CAMKV: variants seen among roughly 807,000 people sequenced by gnomAD.
The protein encoded by CAMKV is caM kinase-like vesicle-associated protein.
In CAMKV, 5 loss-of-function variants were observed where a neutral mutation model predicts 50.2. The observed-to-expected ratio is 0.10, with a 90% confidence interval of 0.05 to 0.21. The LOEUF is 0.21. Among genes scored for constraint, CAMKV ranks in the 10% least tolerant of loss-of-function variants. The pLI, the probability that CAMKV is intolerant of heterozygous loss-of-function variation, is 1.00. For synonymous variants in CAMKV, 229 were observed against 250.1 expected (o/e 0.92, Z 0.80); for missense variants, 361 against 650.5 (o/e 0.55, Z 4.84).
At chr3:49,868,895 C>T (rs1230445143) in intron 1 of CAMKV, among the ~76,000 whole-genome samples, 1 of 152,166 alleles carries the variant, frequency 6.6e-6, no homozygotes, top group Non-Finnish European at 1.5e-5. Flanking sequence ...GCAGGATCTG[C>T]CTGGGAGGTG....
chr3:49,866,934 G>A (rs1158198216), intron 1 of CAMKV, among the ~76,000 whole-genome samples: 1 of 152,176 alleles, frequency 6.6e-6, no homozygotes, highest in Non-Finnish European at 1.5e-5. Flanking sequence ...TGCTACCTTG[G>A]TCCCCTGCCA....
chr3:49,867,680 C>A (rs1280294014), intron 1 of CAMKV, among the ~76,000 whole-genome samples: 1 of 152,138 alleles, frequency 6.6e-6, no homozygotes, highest in African/African-American at 2.4e-5. Context: ...CTTAGCCTGG[C>A]TGCTTCTTCA....
chr3:49,868,385 C>T (rs535346768), intron 1 of CAMKV, among the ~76,000 whole-genome samples: 5 of 152,268 alleles, frequency 3.3e-5, no homozygotes, highest in South Asian at 2.1e-4. Flanking sequence ...GTGCCAGAAA[C>T]GGCACCACAA....
At chr3:49,865,053 T>C (rs1049230546) in intron 1 of CAMKV, among the ~76,000 whole-genome samples, 1 of 152,224 alleles carries the variant, frequency 6.6e-6, no homozygotes, top group Non-Finnish European at 1.5e-5. Context: ...TCTGGGTTGC[T>C]TGGGCTCAGG....
chr3:49,860,618 C>T lies in CAMKV; in HGVS notation c.776-69G>A, dbSNP rs2082012474. On this transcript the variant is annotated intron_variant, in intron 8 of 10. Coordinates refer to ENST00000477224, the MANE Select transcript of CAMKV (RefSeq NM_024046.5). The surrounding 1 kb of genome is among the most constrained non-coding windows in gnomAD (Gnocchi z 6.1). Reference sequence around the variant, plus strand: ...TCAATGTCTAGAGGTGATAAATGGGCTGGGGGACAGAAGCAGAATACCACA... The same window carrying T: ...TCAATGTCTAGAGGTGATAAATGGGTTGGGGGACAGAAGCAGAATACCACA... The T allele has an allele frequency of 1.2e-6, 2 of 1,611,108 alleles. No homozygotes were observed. The highest frequency in any genetic ancestry group is 2.7e-5 in the African/African-American group (2 of 74,970).
rs1256755930 is a variant in CAMKV, at chr3:49,858,475, T to C, written c.*843A>G. The C allele has an allele frequency of 1.5e-4, 58 of 396,534 alleles. No individual in the cohort carries two copies. In the Admixed American group the frequency reaches 2.5e-3, roughly 17 times the overall value. 24.6% of individuals were successfully genotyped at this position (396,534 alleles called of 1,614,324 possible). On this transcript the variant is annotated 3_prime_UTR_variant, in exon 11 of 11. Coordinates refer to ENST00000477224, the MANE Select transcript of CAMKV (RefSeq NM_024046.5). Reference sequence around the variant, plus strand: ...AGCAAGGAGGTATCAGCCCTCCCTGTTTGGCCCAGGGTAAGGACCCAGTAA... The same window carrying C: ...AGCAAGGAGGTATCAGCCCTCCCTGCTTGGCCCAGGGTAAGGACCCAGTAA...
At position 49,862,520 on chromosome 3, in the gene CAMKV, A is replaced by C. The variant is rs1482615883; in HGVS notation, c.-14-118T>G. On this transcript the variant is annotated intron_variant, in intron 1 of 10. Coordinates refer to ENST00000477224, the MANE Select transcript of CAMKV (RefSeq NM_024046.5). The surrounding 1 kb of genome is among the most constrained non-coding windows in gnomAD (Gnocchi z 5.2). ...CCAAGCTAGGGGCAGAGACCATACC[A>C]GGAGGGGCTAGAGGATAGGCAGGCT... The C allele has an allele frequency of 1.2e-6, 1 of 809,710 alleles. No individual in the cohort carries two copies. Among genetic ancestry groups the C allele is most frequent in the African/African-American group, 1.7e-5 (1 of 59,894 alleles). The allele number at this position is 809,710 out of a possible 1,614,324, so 50.2% of individuals were successfully genotyped here. A position where few individuals can be genotyped will look rare whatever the true frequency, so the allele number is the denominator to read the frequency against.
Position 49,860,563 on chromosome 3 carries a change from C to G in CAMKV, c.776-14G>C. On this transcript the variant is annotated splice_polypyrimidine_tract_variant and intron_variant, in intron 8 of 10. Transcript: ENST00000477224. This position sits in a 1 kb window ranked among gnomAD's most constrained non-coding sequence, Gnocchi z 6.1. ...CCAGGTCTTTGGCTGTGGACAAAACCAAGAAGGGGATAGTCATGGGCACCC... is the reference window on the plus strand; with the variant it reads ...CCAGGTCTTTGGCTGTGGACAAAACGAAGAAGGGGATAGTCATGGGCACCC... The G allele has an allele frequency of 6.2e-7, 1 of 1,612,436 alleles. No individual in the cohort carries two copies. Among genetic ancestry groups the G allele is most frequent in the Non-Finnish European group, 8.5e-7 (1 of 1,179,242 alleles).
intron 1 of CAMKV, among the ~76,000 whole-genome samples, chr3:49,865,814 C>T (rs962262863): frequency 2.0e-5 from 3 of 152,186 alleles, no homozygotes; most frequent in Admixed American, 6.5e-5. Flanking sequence ...CATGCCCCAC[C>T]CCCCACCCCA....
Position 49,861,685 on chromosome 3 carries a change from C to A in CAMKV, c.302+106G>T, listed in dbSNP as rs910040512. The A allele has an allele frequency of 1.9e-6, 3 of 1,594,304 alleles. No homozygotes were observed. The highest frequency in any genetic ancestry group is 2.7e-5 in the African/African-American group (2 of 74,418). ...CAGCTGGCTGAGCAAGGCACAGGGA[C>A]CTGGGACGCCAAGGGTCCAGAAAGG... is the stretch of plus-strand genomic sequence containing the variant. On this transcript the variant is annotated intron_variant, in intron 4 of 10. Coordinates refer to ENST00000477224, the MANE Select transcript of CAMKV (RefSeq NM_024046.5). The surrounding 1 kb of genome is among the most constrained non-coding windows in gnomAD (Gnocchi z 7.7).
chr3:49,861,960 A>G lies in CAMKV; in HGVS notation c.227+85T>C, dbSNP rs2082025493. ...TGGCCACAGCAGACTAATTGGCCAG[A>G]GGCTGGGACTGCCTGAGGCCACTTG... On this transcript the variant is annotated intron_variant, in intron 3 of 10. Transcript: ENST00000477224. This position sits in a 1 kb window ranked among gnomAD's most constrained non-coding sequence, Gnocchi z 7.7. 6.2e-7 allele frequency: 1 copy of G among 1,608,286 alleles called. No homozygotes were observed. Among genetic ancestry groups the G allele is most frequent in the African/African-American group, 1.3e-5 (1 of 74,722 alleles).
chr3:49,860,567 A>G lies in CAMKV; in HGVS notation c.776-18T>C, dbSNP rs2777888. 756,289 of 1,610,700 alleles carry G rather than the reference A, an allele frequency of 0.47. 185,740 individuals are homozygous for G. Among genetic ancestry groups the G allele is most frequent in the African/African-American group, 0.64 (47,551 of 74,838 alleles). On this transcript the variant is annotated intron_variant, in intron 8 of 10. Coordinates refer to ENST00000477224, the MANE Select transcript of CAMKV (RefSeq NM_024046.5). This position sits in a 1 kb window ranked among gnomAD's most constrained non-coding sequence, Gnocchi z 6.1. ...GTCTTTGGCTGTGGACAAAACCAAG[A>G]AGGGGATAGTCATGGGCACCCCATC...
chr3:49,859,464 T>C lies in CAMKV; in HGVS notation c.1360A>G (p.Thr454Ala), dbSNP rs1265199404. 6.2e-7 allele frequency: 1 copy of C among 1,613,840 alleles called. No homozygotes were observed. The highest frequency in any genetic ancestry group is 8.5e-7 in the Non-Finnish European group (1 of 1,179,866). The change falls in exon 11 of 11, where the codon ACC (threonine) becomes GCC (alanine). Residue 454 changes from threonine to alanine, a missense_variant. Coordinates refer to ENST00000477224, the MANE Select transcript of CAMKV (RefSeq NM_024046.5). This position sits in a 1 kb window ranked among gnomAD's most constrained non-coding sequence, Gnocchi z 5.5. Reference sequence around the variant, plus strand: ...GGCTCAGGGGTGGCAGCTGCCTTGGTGGCCAGCATGGCACTGCTTTGGGTG... The same window carrying C: ...GGCTCAGGGGTGGCAGCTGCCTTGGCGGCCAGCATGGCACTGCTTTGGGTG... ...PTTQSSAMLA[T>A]KAAATPEPAM...
At chr3:49,865,560 C>T (rs545856922) in intron 1 of CAMKV, among the ~76,000 whole-genome samples, 3 of 152,318 alleles carry the variant, frequency 2.0e-5, no homozygotes, top group South Asian at 2.1e-4. Flanking sequence ...ACAGGTGACT[C>T]GCCAGCTCAA....
chr3:49,859,684 G>A lies in CAMKV; in HGVS notation c.1140C>T (p.Ala380=), dbSNP rs760588166. 6 of 1,613,708 alleles carry A rather than the reference G, an allele frequency of 3.7e-6. No homozygotes were observed. In the African/African-American group the frequency reaches 6.7e-5, roughly 18 times the overall value. Residue 380 remains alanine (A), a synonymous_variant, in exon 11 of 11, where the codon GCC becomes GCT. Coordinates refer to ENST00000477224, the MANE Select transcript of CAMKV (RefSeq NM_024046.5). This position sits in a 1 kb window ranked among gnomAD's most constrained non-coding sequence, Gnocchi z 5.5. ...CTGGGGTGGCACTACGGTCTGCGGG[G>A]GCCACATTATCACTCTTTGCAGCAC... ...AARAAKSDNV[A]PADRSATPAT...
rs2082009989 is a variant in CAMKV, at chr3:49,860,289, A to G, written c.855-31T>C. 6 of 1,604,344 alleles carry G rather than the reference A, an allele frequency of 3.7e-6. No individual in the cohort carries two copies. Among genetic ancestry groups the G allele is most frequent in the Non-Finnish European group, 4.3e-6 (5 of 1,171,146 alleles). The stretch of plus-strand genomic sequence containing the variant: ...AAGGGTGCAAGTGTGTCTGGATCTG[A>G]GAGAATGAGCCTTTGTGGAGACTCT... On this transcript the variant is annotated intron_variant, in intron 9 of 10. Transcript: ENST00000477224. The surrounding 1 kb of genome is among the most constrained non-coding windows in gnomAD (Gnocchi z 6.1).
chr3:49,865,232 A>G (rs955959248), intron 1 of CAMKV, among the ~76,000 whole-genome samples: 1 of 152,288 alleles, frequency 6.6e-6, no homozygotes, highest in Non-Finnish European at 1.5e-5. Flanking sequence ...CCAGAATCCC[A>G]TCCTCACAGC....
At chr3:49,867,938 C>T (rs549502102) in intron 1 of CAMKV, among the ~76,000 whole-genome samples, 3 of 152,318 alleles carry the variant, frequency 2.0e-5, no homozygotes, top group South Asian at 4.1e-4. Flanking sequence ...CTCTAAATCC[C>T]TGGGCCAGGA....
At chr3:49,867,132 A>G (rs2082071294) in intron 1 of CAMKV, among the ~76,000 whole-genome samples, 1 of 152,212 alleles carries the variant, frequency 6.6e-6, no homozygotes, top group East Asian at 1.9e-4. Context: ...TCCTGCTGCA[A>G]TGAACATGCT....
Sources: allele counts gnomAD v4.1 joint callset (sites outside exome capture counted in the v4.1 genomes callset), GRCh38; gene constraint gnomAD v4.1.1; non-coding constraint Gnocchi (gnomAD v3.1); transcripts MANE v1.5; gene names NCBI Gene and HGNC (gene_info 2026-07-23, HGNC 2026-07-21).